GABRR3: variants seen among roughly 807,000 people sequenced by gnomAD.
GABRR3 encodes gamma-aminobutyric acid receptor subunit rho-3.
A neutral mutation model predicts 43.2 loss-of-function variants in GABRR3; 29 were observed. The ratio of observed to expected loss-of-function variants is 0.67; its 90% CI spans 0.50 to 0.92. The LOEUF is 0.92. Among genes scored for constraint, GABRR3 ranks in the 40% least tolerant of loss-of-function variants. The pLI, the probability that GABRR3 is intolerant of heterozygous loss-of-function variation, is 0.00. For synonymous variants in GABRR3, 206 were observed against 195.9 expected (o/e 1.05, Z -0.43); for missense variants, 576 against 572.3 (o/e 1.01, Z -0.07).
At chr3:97,991,955 A>T (rs1187130004) in intron 9 of GABRR3, among the ~76,000 whole-genome samples, 2 of 152,190 alleles carry the variant, frequency 1.3e-5, no homozygotes, top group Non-Finnish European at 2.9e-5. Flanking sequence ...CTATATGCAC[A>T]TATGTATGTG....
intron 4 of GABRR3, among the ~76,000 whole-genome samples, chr3:98,014,448 G>T (rs1269382827): frequency 6.6e-6 from 1 of 152,196 alleles, no homozygotes; most frequent in Non-Finnish European, 1.5e-5. Flanking sequence ...AGCACAACAG[G>T]CTTGGGGAAG....
intron 2 of GABRR3, among the ~76,000 whole-genome samples, chr3:98,029,249 G>T (rs1303241001): frequency 6.6e-6 from 1 of 152,112 alleles, no homozygotes; most frequent in Non-Finnish European, 1.5e-5. Context: ...AATAGGTGTG[G>T]TTTTTCTCTT....
intron 4 of GABRR3, among the ~76,000 whole-genome samples, chr3:98,013,179 G>C (rs1205947204): frequency 6.6e-6 from 1 of 152,164 alleles, no homozygotes; most frequent in Admixed American, 6.5e-5. Flanking sequence ...AGTGTGCAAA[G>C]ACTGACTTTT....
chr3:97,998,629 C>G (rs1706592111), intron 8 of GABRR3: 1 of 152,076 alleles, frequency 6.6e-6, no homozygotes, highest in South Asian at 2.1e-4. Context: ...ATACTACTCC[C>G]TTTTCAAACT....
At chr3:97,996,456 A>G (rs1706554469) in intron 8 of GABRR3, among the ~76,000 whole-genome samples, 1 of 152,158 alleles carries the variant, frequency 6.6e-6, no homozygotes, top group South Asian at 2.1e-4. Flanking sequence ...TTTTCCAAGC[A>G]TATGACATAT....
intron 9 of GABRR3, among the ~76,000 whole-genome samples, chr3:97,992,110 G>A (rs6439541): frequency 0.11 from 16,576 of 152,082 alleles, 988 homozygotes; most frequent in Middle Eastern, 0.16. Context: ...AGCAGGTAGA[G>A]AGCAATCTAC....
intron 7 of GABRR3, among the ~76,000 whole-genome samples, chr3:98,002,787 G>A (rs928679512): frequency 1.3e-5 from 2 of 152,008 alleles, no homozygotes; most frequent in South Asian, 4.1e-4. Flanking sequence ...GGGACTATAG[G>A]TCAAAAGTTA....
At chr3:98,023,690 AG>A (rs1175005453) in intron 3 of GABRR3, among the ~76,000 whole-genome samples, 2 of 150,844 alleles carry the variant, frequency 1.3e-5, no homozygotes, top group Non-Finnish European at 3.0e-5. Flanking sequence ...GAAGAAAAAA[AG>A]AGACATATTT....
chr3:97,997,405 G>A (rs1706575811), intron 8 of GABRR3: 1 of 151,902 alleles, frequency 6.6e-6, no homozygotes, highest in South Asian at 2.1e-4. Flanking sequence ...TGAAAATATT[G>A]TTCTAAAAAT....
chr3:97,994,405 A>G (rs1706509320), intron 8 of GABRR3, among the ~76,000 whole-genome samples: 3 of 152,320 alleles, frequency 2.0e-5, no homozygotes, highest in South Asian at 2.1e-4. Flanking sequence ...TCACCTTCAC[A>G]CTGATTTGAA....
chr3:98,028,201 C>A (rs1464546800), intron 2 of GABRR3, among the ~76,000 whole-genome samples: 1 of 152,098 alleles, frequency 6.6e-6, no homozygotes, highest in Non-Finnish European at 1.5e-5. Flanking sequence ...ATGGGTATTA[C>A]TCATTGCTGG....
At chr3:97,989,205 G>A (rs1421279595) in intron 9 of GABRR3, among the ~76,000 whole-genome samples, 2 of 151,328 alleles carry the variant, frequency 1.3e-5, no homozygotes, top group African/African-American at 2.4e-5. Flanking sequence ...GTGGATGGTG[G>A]TGGTGTTGGT....
At chr3:98,016,448 G>C (rs1706874237) in intron 4 of GABRR3, among the ~76,000 whole-genome samples, 1 of 151,914 alleles carries the variant, frequency 6.6e-6, no homozygotes, top group Admixed American at 6.6e-5. Context: ...AGCTTCCTGA[G>C]GCCCTCACCA....
At chr3:98,024,660 C>A (rs1706990407) in intron 3 of GABRR3, among the ~76,000 whole-genome samples, 1 of 152,196 alleles carries the variant, frequency 6.6e-6, no homozygotes, top group Non-Finnish European at 1.5e-5. Flanking sequence ...TTCTCACCCT[C>A]ATCCATACTT....
rs546039152 is a variant in GABRR3, at chr3:98,017,682, G to A, written c.279C>T (p.Ser93=). The change falls in exon 4 of 10, where the codon AGC becomes AGT. Residue 93 remains serine, a synonymous_variant. Coordinates refer to ENST00000621172, the Ensembl canonical transcript of GABRR3. Reference sequence around the variant, plus strand: ...TGTTAGTCTCTGAAATGCTGTCAATGCTTTCAACATGGACATCTATACCTA... The same window carrying A: ...TGTTAGTCTCTGAAATGCTGTCAATACTTTCAACATGGACATCTATACCTA... The A allele has an allele frequency of 5.6e-6, 9 of 1,611,010 alleles. No homozygotes were observed. In the African/African-American group the frequency reaches 6.7e-5, roughly 12 times the overall value.
chr3:98,004,753 T>C (rs1412790726), intron 7 of GABRR3, among the ~76,000 whole-genome samples: 1 of 151,904 alleles, frequency 6.6e-6, no homozygotes, highest in Non-Finnish European at 1.5e-5. Context: ...CTGACTCTTA[T>C]AGCCAGAGTC....
intron 7 of GABRR3, among the ~76,000 whole-genome samples, chr3:98,005,497 G>T (rs751521689): frequency 2.4e-4 from 37 of 152,010 alleles, no homozygotes; most frequent in Non-Finnish European, 4.4e-4. Context: ...GAACGTTAAA[G>T]ATTTGTAAGT....
chr3:98,032,616 T>C (rs888662718), intron 2 of GABRR3, among the ~76,000 whole-genome samples: 1 of 152,216 alleles, frequency 6.6e-6, no homozygotes, highest in Non-Finnish European at 1.5e-5. Flanking sequence ...TCTCCCTACT[T>C]TGTTTTTAGG....
chr3:98,024,482 C>T (rs535820968), intron 3 of GABRR3, among the ~76,000 whole-genome samples: 8 of 151,738 alleles, frequency 5.3e-5, no homozygotes, highest in South Asian at 2.1e-4. Flanking sequence ...ATTTAACATA[C>T]GTTTTTGTTT....
Sources: gnomAD v4.1 joint callset for allele counts (sites outside exome capture counted in the v4.1 genomes callset) on GRCh38, gnomAD v4.1.1 for gene constraint, MANE v1.5 for transcripts, NCBI Gene and HGNC (gene_info 2026-07-23, HGNC 2026-07-21) for gene names.